Variants in SLC22A15 observed in about 807,000 individuals in gnomAD.
SLC22A15 encodes the protein solute carrier family 22 member 15, also known as flipt 1.
SLC22A15 carries 45 observed loss-of-function variants against 62.7 expected under a neutral mutation model. That is an observed-to-expected ratio of 0.72 (90% CI 0.56 to 0.92). SLC22A15 has a LOEUF of 0.92. Ranked by LOEUF, SLC22A15 falls within the 40% of genes least tolerant of loss-of-function variation. The pLI is 0.00. For missense variants in SLC22A15, 622 were observed against 665.6 expected (o/e 0.93, Z 0.72); for synonymous variants, 264 against 267.0 (o/e 0.99, Z 0.11).
At chr1:116,035,376 T>A (rs1171548983) in intron 7 of SLC22A15, 49 bp downstream of exon 7, 2 of 1,525,090 alleles carry the variant, frequency 1.3e-6, no homozygotes, top group Non-Finnish European at 1.8e-6. Flanking sequence ...AATGCACACA[T>A]ACACATATGC....
At chr1:116,026,745 ATTTTTT>A in intron 4 of SLC22A15, 142 bp from the exon 5 acceptor site, 1 of 831,832 alleles carries the variant, frequency 1.2e-6, no homozygotes, top group Non-Finnish European at 1.8e-6. Flanking sequence ...CTTAGTGTAG[ATTTTTT>A]TTTCTTTTCT....
chr1:116,020,770 A>G lies in SLC22A15; in HGVS notation c.483A>G (p.Ser161=). The G allele has an allele frequency of 6.2e-7, 1 of 1,613,792 alleles. No individual in the cohort carries two copies. Among genetic ancestry groups the G allele is most frequent in the Non-Finnish European group, 8.5e-7 (1 of 1,179,752 alleles). ...LFAIANGFSP[S]YEFFAVTRFL... is the part of the protein sequence containing the mutation. ...CAATTGCAAATGGATTTTCCCCCTC[A>G]TATGAGTTCTTTGCAGTAACTCGCT... is the stretch of plus-strand genomic sequence containing the variant. Residue 161 remains serine (S), a synonymous_variant, in exon 4 of 12, where the codon TCA becomes TCG. Coordinates refer to ENST00000369503, the MANE Select transcript of SLC22A15 (RefSeq NM_018420.3).
chr1:116,038,933 C>T (rs1292060364), intron 8 of SLC22A15, among the ~76,000 whole-genome samples: 1 of 152,166 alleles, frequency 6.6e-6, no homozygotes, highest in Non-Finnish European at 1.5e-5. Flanking sequence ...CTTATTTGCA[C>T]ACTCCAGGTA....
At chr1:116,064,729 G>T (rs1658458058) in intron 10 of SLC22A15, among the ~76,000 whole-genome samples, 1 of 152,112 alleles carries the variant, frequency 6.6e-6, no homozygotes. Flanking sequence ...GGATTTGTTG[G>T]AGGGTCTGCT....
At chr1:116,026,820 C>T in intron 4 of SLC22A15, 73 bp from the exon 5 acceptor site, 2 of 1,576,034 alleles carry the variant, frequency 1.3e-6, no homozygotes, top group Non-Finnish European at 1.7e-6. Flanking sequence ...GAAATTGGCT[C>T]TGTAACTTGG....
intron 8 of SLC22A15, among the ~76,000 whole-genome samples, chr1:116,062,140 C>T (rs779121120): frequency 9.9e-5 from 15 of 152,184 alleles, no homozygotes; most frequent in East Asian, 1.9e-4. Flanking sequence ...GCCCAGGAGG[C>T]GGAGGTTGCA....
At chr1:116,005,978 C>A (rs1234826733) in intron 2 of SLC22A15, among the ~76,000 whole-genome samples, 1 of 152,200 alleles carries the variant, frequency 6.6e-6, no homozygotes, top group African/African-American at 2.4e-5. Flanking sequence ...TTTCTGACAA[C>A]CCCTTATAGT....
At chr1:116,011,039 G>A (rs760251412) in intron 2 of SLC22A15, among the ~76,000 whole-genome samples, 14 of 152,094 alleles carry the variant, frequency 9.2e-5, no homozygotes, top group African/African-American at 1.9e-4. Context: ...CATGTGGTGC[G>A]TCCTCCTTTC....
chr1:116,018,246 A>G (rs191115040), intron 2 of SLC22A15, among the ~76,000 whole-genome samples: 1 of 152,308 alleles, frequency 6.6e-6, no homozygotes, highest in Admixed American at 6.5e-5. Flanking sequence ...CAGGTACCTC[A>G]TATAAATAGA....
At chr1:115,986,001 AT>A (rs1298487925) in intron 1 of SLC22A15, among the ~76,000 whole-genome samples, 2 of 151,216 alleles carry the variant, frequency 1.3e-5, no homozygotes, top group East Asian at 2.0e-4. Flanking sequence ...TTTGTTCAGA[AT>A]TTTTTTTAAA....
At chr1:116,027,788 A>G (rs2488430) in intron 5 of SLC22A15, among the ~76,000 whole-genome samples, 146,770 of 152,142 alleles carry the variant, frequency 0.96, 71,016 homozygotes, top group East Asian at 1. Context: ...ACCACGCCCG[A>G]CTGATTTTGT....
At chr1:116,062,305 AAACTGCAT>A (rs1658403592) in intron 8 of SLC22A15, among the ~76,000 whole-genome samples, 1 of 152,240 alleles carries the variant, frequency 6.6e-6, no homozygotes, top group African/African-American at 2.4e-5. Context: ...CAGAGAATGC[AAACTGCAT>A]ATAAGAGCTT....
At chr1:115,993,693 C>T (rs925200090) in intron 2 of SLC22A15, among the ~76,000 whole-genome samples, 1 of 152,088 alleles carries the variant, frequency 6.6e-6, no homozygotes, top group Non-Finnish European at 1.5e-5. Context: ...GATTGCAATT[C>T]CTGACGTTAC....
chr1:116,015,766 T>A (rs1226839254), intron 2 of SLC22A15, among the ~76,000 whole-genome samples: 1 of 152,050 alleles, frequency 6.6e-6, no homozygotes, highest in Non-Finnish European at 1.5e-5. Context: ...ACATAAATTT[T>A]AAAAAAAGCA....
chr1:116,028,843 T>G, intron 5 of SLC22A15, among the ~76,000 whole-genome samples: 1 of 152,184 alleles, frequency 6.6e-6, no homozygotes, highest in East Asian at 1.9e-4. Context: ...TCTGCCCAGA[T>G]CTTCTTATTT....
intron 1 of SLC22A15, among the ~76,000 whole-genome samples, chr1:115,983,919 A>G (rs548059712): frequency 6.6e-6 from 1 of 152,286 alleles, no homozygotes; most frequent in African/African-American, 2.4e-5. Context: ...CCTCTCCCAA[A>G]TCTAGCCTGA....
rs1480322592 is a variant in SLC22A15 at position 116,067,221 on chromosome 1, T to C, written c.*113T>C. ...TAAAAATAGAGGCTTGGCTTGAATG[T>C]ACATAGATGGTACCTGGCATGGACT... On this transcript the variant is annotated 3_prime_UTR_variant, in exon 12 of 12. Transcript: ENST00000369503. 1.3e-6 allele frequency: 1 copy of C among 771,190 alleles called. No homozygotes were observed. The highest frequency in any genetic ancestry group is 2.2e-6 in the Non-Finnish European group (1 of 460,136). 47.8% of individuals were successfully genotyped at this position (771,190 alleles called of 1,614,324 possible).
At chr1:116,047,391 C>T (rs146801367) in intron 8 of SLC22A15, among the ~76,000 whole-genome samples, 2,646 of 152,290 alleles carry the variant, frequency 0.017, 78 homozygotes, top group African/African-American at 0.059. Context: ...CGTGCCACTG[C>T]ACTCCAGCCT....
chr1:116,000,822 C>G (rs937471261), intron 2 of SLC22A15, among the ~76,000 whole-genome samples: 1 of 150,848 alleles, frequency 6.6e-6, no homozygotes, highest in Non-Finnish European at 1.5e-5. Flanking sequence ...TTAGTAGAGA[C>G]GGGGTTTCAC....
Sources: allele counts gnomAD v4.1 joint callset (sites outside exome capture counted in the v4.1 genomes callset), GRCh38; gene constraint gnomAD v4.1.1; transcripts MANE v1.5; gene names NCBI Gene and HGNC (gene_info 2026-07-23, HGNC 2026-07-21).